ATP13A4: variants seen among roughly 807,000 people sequenced by gnomAD.
ATP13A4 encodes the protein ATPase 13A4, also known as probable cation-transporting ATPase 13A4.
A neutral mutation model predicts 142.5 loss-of-function variants in ATP13A4; 114 were observed. The observed-to-expected ratio is 0.80, with a 90% CI of 0.69 to 0.93. The LOEUF (loss-of-function observed/expected upper bound fraction) is 0.93, where lower values mean the gene tolerates loss of function less well. Among genes scored for constraint, ATP13A4 ranks in the 40% least tolerant of loss-of-function variants. The probability of loss-of-function intolerance (pLI) is 0.00; values close to 1 mark genes in which losing one functional copy is unlikely to be tolerated. For missense variants in ATP13A4, 1,392 were observed against 1,454.0 expected, an observed-to-expected ratio of 0.96 and a Z score of 0.69; for synonymous variants, 488 against 514.8, an observed-to-expected ratio of 0.95 and a Z score of 0.70.
At chr3:193,403,825 G>T (rs568152024) in intron 29 of ATP13A4, 1 of 984,310 alleles carries the variant, frequency 1.0e-6, no homozygotes, top group Non-Finnish European at 1.2e-6. Flanking sequence ...AATATGGGAC[G>T]TGAAACTGTC....
intron 18 of ATP13A4, 64 bp from the exon 19 acceptor site, chr3:193,442,620 T>C: frequency 6.6e-7 from 1 of 1,511,232 alleles, no homozygotes; most frequent in Non-Finnish European, 9.2e-7. Flanking sequence ...ATGCAGAGCC[T>C]TGAAAACCAG....
intron 9 of ATP13A4, among the ~76,000 whole-genome samples, chr3:193,469,631 C>T (rs1317658836): frequency 6.6e-6 from 1 of 151,964 alleles, no homozygotes; most frequent in Non-Finnish European, 1.5e-5. Flanking sequence ...GACTATGTCT[C>T]AAAAATAAAG....
intron 1 of ATP13A4, among the ~76,000 whole-genome samples, chr3:193,521,672 C>T (rs922206924): frequency 2.0e-5 from 3 of 152,112 alleles, no homozygotes; most frequent in South Asian, 2.1e-4. Context: ...ATGGCTCATG[C>T]CTGTAATCCC....
Position 193,412,243 on chromosome 3 carries a change from T to C in ATP13A4, c.3143A>G (p.Asn1048Ser), listed in dbSNP as rs185323187. 3.0e-5 allele frequency: 48 copies of C among 1,613,594 alleles called. No homozygotes were observed. Among genetic ancestry groups the C allele is most frequent in the Admixed American group, 2.3e-4 (14 of 60,024 alleles). The change falls in exon 27 of 30, where the codon AAC becomes AGC. Residue 1048 changes from asparagine to serine, a missense_variant. Transcript: ENST00000342695. ...GAACACAAGAGCCACAGTGATACAG[T>C]TGATTGTTCCCAAGAACCAGACTGT... ...NTTVWFLGTI[N>S]CITVALVFSK...
At chr3:193,499,005 T>C (rs1720394503) in intron 3 of ATP13A4, among the ~76,000 whole-genome samples, 2 of 152,256 alleles carry the variant, frequency 1.3e-5, no homozygotes, top group South Asian at 2.1e-4. Context: ...TTTAAATCCC[T>C]TAGCTCTAAG....
chr3:193,474,342 A>C (rs1718806920), intron 8 of ATP13A4, among the ~76,000 whole-genome samples: 1 of 148,606 alleles, frequency 6.7e-6, no homozygotes, highest in South Asian at 2.1e-4. Context: ...AAAAAAAAAA[A>C]AAAAACAAAC....
At position 193,422,095 on chromosome 3, in the gene ATP13A4, TAGA is replaced by T. The variant is rs532776019; in HGVS notation, c.2843-7348_2843-7346del. On this transcript the variant is annotated intron_variant, in intron 25 of 29. Transcript: ENST00000342695. Reference sequence around the variant, plus strand: ...CACAAATAAGCTGAAAATAAAGAGATAGAAGAAGATATTCTATGCAAATGGTAA... The same window carrying T: ...CACAAATAAGCTGAAAATAAAGAGATAGAAGATATTCTATGCAAATGGTAA... Among the ~76,000 whole-genome samples the T allele has an allele frequency of 3.0e-3, 454 of 149,922 alleles. 12 individuals carry two copies. Among genetic ancestry groups the T allele is most frequent in the Non-Finnish European group, 5.2e-3 (352 of 67,606 alleles).
chr3:193,463,826 A>G (rs1253788223), intron 12 of ATP13A4, among the ~76,000 whole-genome samples: 1 of 152,204 alleles, frequency 6.6e-6, no homozygotes, highest in Non-Finnish European at 1.5e-5. Flanking sequence ...TGGTGGCAAG[A>G]GTCATGTTGA....
chr3:193,497,846 T>C (rs895326264), intron 3 of ATP13A4, among the ~76,000 whole-genome samples: 10 of 152,214 alleles, frequency 6.6e-5, no homozygotes, highest in Admixed American at 6.5e-4. Context: ...ATCTTACTCA[T>C]TTGTGAAATC....
chr3:193,466,196 C>T lies in ATP13A4; in HGVS notation c.1115-14G>A, dbSNP rs760237138. Reference sequence around the variant, plus strand: ...CAGTGTTGAATCCTGGAACAACAAACACACACCCCACACTCTCAGGAGACC... The same window carrying T: ...CAGTGTTGAATCCTGGAACAACAAATACACACCCCACACTCTCAGGAGACC... On this transcript the variant is annotated splice_polypyrimidine_tract_variant and intron_variant, in intron 10 of 29. Transcript: ENST00000342695. 1 of 1,613,426 alleles carries T rather than the reference C, an allele frequency of 6.2e-7. No individual in the cohort carries two copies.
chr3:193,445,565 T>C (rs145677178), intron 18 of ATP13A4, among the ~76,000 whole-genome samples: 1 of 152,118 alleles, frequency 6.6e-6, no homozygotes, highest in African/African-American at 2.4e-5. Flanking sequence ...AAGACCATCC[T>C]GGCCAACATG....
chr3:193,585,860 T>G (rs1007508125), intron 1 of ATP13A4, among the ~76,000 whole-genome samples: 1 of 152,194 alleles, frequency 6.6e-6, no homozygotes, highest in Non-Finnish European at 1.5e-5. Context: ...GAGAGTGGAA[T>G]GGTTAGACCA....
intron 8 of ATP13A4, among the ~76,000 whole-genome samples, chr3:193,472,904 A>C (rs147582553): frequency 6.6e-6 from 1 of 152,378 alleles, no homozygotes; most frequent in East Asian, 1.9e-4. Context: ...ACCCTGTGAT[A>C]GTAGATTCCA....
chr3:193,402,211 T>G lies in ATP13A4; in HGVS notation c.*441A>C, dbSNP rs1302779973. 5.9e-6 allele frequency: 1 copy of G among 168,104 alleles called. No individual in the cohort carries two copies. Among genetic ancestry groups the G allele is most frequent in the Non-Finnish European group, 1.3e-5 (1 of 77,294 alleles). The allele number at this position is 168,104 out of a possible 1,614,324, so 10.4% of individuals were successfully genotyped here. On this transcript the variant is annotated 3_prime_UTR_variant, in exon 30 of 30. Transcript: ENST00000342695. ...GAAAAGGAACCCAGACAGTAAAGAT[T>G]GGTGTAATGTTTCCCACGCATTAGT...
In ATP13A4 at chr3:193,462,864, G is replaced by T. The variant is rs1718034388; in HGVS notation, c.1462-41C>A. On this transcript the variant is annotated intron_variant, in intron 12 of 29. Transcript: ENST00000342695. ...TGCTCCATTTACTCTGAAGATCCAG[G>T]CAAGGAGCGGTGGCTCATGCCTGTA... The T allele has an allele frequency of 2.5e-6, 4 of 1,600,276 alleles. No individual in the cohort carries two copies. The East Asian group carries it at 8.9e-5, about 36-fold the overall frequency.
intron 8 of ATP13A4, among the ~76,000 whole-genome samples, chr3:193,472,908 G>A (rs982287799): frequency 5.9e-5 from 9 of 152,194 alleles, no homozygotes; most frequent in African/African-American, 2.2e-4. Flanking sequence ...TGTGATAGTA[G>A]ATTCCAATGA....
At chr3:193,593,003 C>T (rs1338540241) in intron 1 of ATP13A4, 1 of 261,656 alleles carries the variant, frequency 3.8e-6, no homozygotes, top group Non-Finnish European at 7.2e-6. Flanking sequence ...CGCTCCCTCC[C>T]CTGGCCAAAT....
chr3:193,497,015 T>G (rs977234031), intron 3 of ATP13A4, among the ~76,000 whole-genome samples: 3 of 152,012 alleles, frequency 2.0e-5, no homozygotes, highest in African/African-American at 7.2e-5. Flanking sequence ...TGGGCAAGGA[T>G]TTTTTGGATA....
chr3:193,510,179 G>T (rs1721069519), intron 2 of ATP13A4, among the ~76,000 whole-genome samples: 1 of 152,294 alleles, frequency 6.6e-6, no homozygotes, highest in East Asian at 1.9e-4. Flanking sequence ...GAACACAGAT[G>T]CTGCCGCCTG....
Sources: allele counts gnomAD v4.1 joint callset (sites outside exome capture counted in the v4.1 genomes callset), GRCh38; gene constraint gnomAD v4.1.1; transcripts MANE v1.5; gene names NCBI Gene and HGNC (gene_info 2026-07-23, HGNC 2026-07-21).